Variants in SFMBT2 observed in about 807,000 individuals in gnomAD.
SFMBT2 encodes the protein scm-like with four MBT domains protein 2.
A neutral mutation model predicts 110.1 loss-of-function variants in SFMBT2; 38 were observed. The observed-to-expected ratio is 0.35, with a 90% CI of 0.27 to 0.45. The LOEUF is 0.45. Among genes scored for constraint, SFMBT2 ranks in the 20% least tolerant of loss-of-function variants. The probability of loss-of-function intolerance (pLI) is 1.00; values close to 1 mark genes in which losing one functional copy is unlikely to be tolerated. For synonymous variants in SFMBT2, 425 were observed against 425.4 expected (o/e 1.00, Z 0.01); for missense variants, 1,011 against 1,094.9 (o/e 0.92, Z 1.08).
At chr10:7,188,010 G>A (rs938851215) in intron 16 of SFMBT2, among the ~76,000 whole-genome samples, 12 of 152,126 alleles carry the variant, frequency 7.9e-5, no homozygotes, top group African/African-American at 2.4e-4. Context: ...AAACAACCAA[G>A]TTCAAGTACA....
chr10:7,349,440 C>CTTTTTTTTTTTTTTTTTTTTTTTTTT lies in SFMBT2; in HGVS notation c.436+18183_436+18208dup, dbSNP rs369479041. Among the ~76,000 whole-genome samples the CTTTTTTTTTTTTTTTTTTTTTTTTTT allele has an allele frequency of 2.8e-4, 13 of 46,888 alleles. 6 individuals are homozygous for CTTTTTTTTTTTTTTTTTTTTTTTTTT. Among genetic ancestry groups the CTTTTTTTTTTTTTTTTTTTTTTTTTT allele is most frequent in the African/African-American group, 7.3e-4 (8 of 10,986 alleles). 30.8% of individuals were successfully genotyped at this position (46,888 alleles called of 152,430 possible). A position where few individuals can be genotyped will look rare whatever the true frequency, so the allele number is the denominator to read the frequency against. On this transcript the variant is annotated intron_variant, in intron 4 of 20. Coordinates refer to ENST00000397167, the MANE Select transcript of SFMBT2 (RefSeq NM_001387889.1). ...CCCTGACTCTTTTTTCTTTTCTTTT[C>CTTTTTTTTTTTTTTTTTTTTTTTTTT]TTTTTTTTTTTTTTTTTTTTTTTTT...
rs1469640668 is a variant in SFMBT2 at position 7,392,974 on chromosome 10, G to A, written c.-51-11025C>T. ...CTGTCTATCCTATATATACAAGTAT[G>A]TGGATAGATTATATATATATATATA... On this transcript the variant is annotated intron_variant, in intron 1 of 20. Coordinates refer to ENST00000397167, the MANE Select transcript of SFMBT2 (RefSeq NM_001387889.1). 1.7e-5 allele frequency among the ~76,000 whole-genome samples: 2 copies of A among 117,358 alleles called. 1 individual carries two copies. The highest frequency in any genetic ancestry group is 3.5e-5 in the Non-Finnish European group (2 of 57,384). 77.0% of individuals were successfully genotyped at this position (117,358 alleles called of 152,430 possible). A position where few individuals can be genotyped will look rare whatever the true frequency, so the allele number is the denominator to read the frequency against.
At chr10:7,197,460 A>G (rs143221778) in intron 15 of SFMBT2, 88 bp downstream of exon 15, 4 of 1,532,378 alleles carry the variant, frequency 2.6e-6, no homozygotes, top group East Asian at 2.3e-5. Flanking sequence ...ACTGCTTCCA[A>G]TGCCTATTCC....
At chr10:7,405,478 C>A (rs367964769) in intron 1 of SFMBT2, among the ~76,000 whole-genome samples, 1 of 152,230 alleles carries the variant, frequency 6.6e-6, no homozygotes, top group South Asian at 2.1e-4. Context: ...CCATGTGGAG[C>A]TTACCTCACT....
At chr10:7,405,826 C>A (rs964629162) in intron 1 of SFMBT2, among the ~76,000 whole-genome samples, 1 of 122,220 alleles carries the variant, frequency 8.2e-6, no homozygotes, top group Admixed American at 9.5e-5. Flanking sequence ...CCCGATTCCC[C>A]CCCCGACCCC....
intron 11 of SFMBT2, among the ~76,000 whole-genome samples, chr10:7,211,661 C>T (rs1167894701): frequency 6.6e-6 from 1 of 152,156 alleles, no homozygotes; most frequent in Non-Finnish European, 1.5e-5. Context: ...TTCTCATCTG[C>T]TGAAGCAGCT....
intron 16 of SFMBT2, among the ~76,000 whole-genome samples, chr10:7,184,701 T>A (rs1838343936): frequency 6.6e-6 from 1 of 152,054 alleles, no homozygotes; most frequent in South Asian, 2.1e-4. Context: ...TCATTCACCC[T>A]CAGAATCACC....
Position 7,171,394 on chromosome 10 carries a change from C to T in SFMBT2, c.2416-338G>A. 9 of 985,424 alleles carry T rather than the reference C, an allele frequency of 9.1e-6. No individual in the cohort carries two copies. The highest frequency in any genetic ancestry group is 1.1e-5 in the Non-Finnish European group (9 of 829,908). The allele number at this position is 985,424 out of a possible 1,614,324, so 61.0% of individuals were successfully genotyped here. ...GAGAAATACAAGGGGCACGTCCAAG[C>T]AGACACGAGACAGTGTCCCCCAGTG... On this transcript the variant is annotated intron_variant, in intron 19 of 20. Coordinates refer to ENST00000397167, the MANE Select transcript of SFMBT2 (RefSeq NM_001387889.1). This position sits in a 1 kb window ranked among gnomAD's most constrained non-coding sequence, Gnocchi z 4.9.
chr10:7,180,864 C>G (rs747391185), intron 16 of SFMBT2, among the ~76,000 whole-genome samples: 1 of 152,118 alleles, frequency 6.6e-6, no homozygotes, highest in Non-Finnish European at 1.5e-5. Flanking sequence ...TCCACTGTCA[C>G]AGCCGGAGTT....
At chr10:7,283,217 G>A (rs1002004528) in intron 6 of SFMBT2, among the ~76,000 whole-genome samples, 5 of 152,170 alleles carry the variant, frequency 3.3e-5, no homozygotes, top group South Asian at 2.1e-4. Context: ...TTGTAAATAC[G>A]CTGATTTTTA....
At chr10:7,191,430 C>T (rs757277651) in intron 15 of SFMBT2, among the ~76,000 whole-genome samples, 2 of 152,028 alleles carry the variant, frequency 1.3e-5, no homozygotes, top group Non-Finnish European at 2.9e-5. Context: ...CACCTCCCAA[C>T]AACCGCCAGG....
intron 1 of SFMBT2, among the ~76,000 whole-genome samples, chr10:7,386,014 A>T (rs1416978175): frequency 6.6e-6 from 1 of 152,054 alleles, no homozygotes; most frequent in Non-Finnish European, 1.5e-5. Flanking sequence ...ATAACAAAAA[A>T]AAGCCCCTCT....
intron 9 of SFMBT2, among the ~76,000 whole-genome samples, chr10:7,238,099 C>T (rs1360123702): frequency 6.6e-6 from 1 of 152,154 alleles, no homozygotes; most frequent in Non-Finnish European, 1.5e-5. Context: ...GGGTGGAAGG[C>T]ACTGGACAGT....
chr10:7,207,803 A>C (rs929728542), intron 11 of SFMBT2, among the ~76,000 whole-genome samples: 1 of 152,252 alleles, frequency 6.6e-6, no homozygotes, highest in African/African-American at 2.4e-5. Context: ...CCCAATTTAG[A>C]GTTAAGCCAA....
intron 4 of SFMBT2, among the ~76,000 whole-genome samples, chr10:7,313,617 G>A (rs1448906524): frequency 6.6e-6 from 1 of 152,152 alleles, no homozygotes; most frequent in African/African-American, 2.4e-5. Flanking sequence ...CCAAACAAAC[G>A]ATTGGGGTTT....
At chr10:7,323,867 C>T (rs1325937684) in intron 4 of SFMBT2, among the ~76,000 whole-genome samples, 3 of 152,070 alleles carry the variant, frequency 2.0e-5, no homozygotes, top group Admixed American at 2.0e-4. Flanking sequence ...GGAAATGATA[C>T]AGATGATAGA....
At chr10:7,327,783 A>G (rs1407984515) in intron 4 of SFMBT2, among the ~76,000 whole-genome samples, 1 of 151,782 alleles carries the variant, frequency 6.6e-6, no homozygotes, top group Non-Finnish European at 1.5e-5. Flanking sequence ...ATTATTCTCC[A>G]TGGTTGTATC....
intron 4 of SFMBT2, among the ~76,000 whole-genome samples, chr10:7,322,522 T>C (rs1203592860): frequency 6.6e-6 from 1 of 152,100 alleles, no homozygotes; most frequent in Non-Finnish European, 1.5e-5. Context: ...CGATTCCAGA[T>C]GGATTAAAGA....
At chr10:7,299,260 T>A (rs1207415859) in intron 4 of SFMBT2, among the ~76,000 whole-genome samples, 3 of 152,118 alleles carry the variant, frequency 2.0e-5, no homozygotes, top group Non-Finnish European at 4.4e-5. Context: ...CTAAAGAGCT[T>A]CTGCACAGCA....
Sources: gnomAD v4.1 joint callset for allele counts (sites outside exome capture counted in the v4.1 genomes callset) on GRCh38, gnomAD v4.1.1 for gene constraint, Gnocchi (gnomAD v3.1) non-coding constraint, MANE v1.5 for transcripts, NCBI Gene and HGNC (gene_info 2026-07-23, HGNC 2026-07-21) for gene names.